COMMD1: variants seen among roughly 807,000 people sequenced by gnomAD.
COMMD1 encodes COMM domain-containing protein 1.
Under a neutral mutation model 17.2 loss-of-function variants are expected in COMMD1, and 10 were observed. The observed-to-expected ratio is 0.58, with a 90% confidence interval of 0.36 to 0.99. COMMD1 has a LOEUF of 0.99. Among genes scored for constraint, COMMD1 ranks in the 50% least tolerant of loss-of-function variants. COMMD1 has a pLI of 0.01. For missense variants in COMMD1, 270 were observed against 231.8 expected, an observed-to-expected ratio of 1.17 and a Z score of -1.07; for synonymous variants, 97 against 91.6, an observed-to-expected ratio of 1.06 and a Z score of -0.34.
At chr2:61,979,106 C>T (rs1301406175) in intron 1 of COMMD1, among the ~76,000 whole-genome samples, 3 of 152,078 alleles carry the variant, frequency 2.0e-5, no homozygotes, top group Non-Finnish European at 4.4e-5. Flanking sequence ...CTTCCACTGC[C>T]CCCACCTCCC....
At chr2:61,952,010 A>G (rs1671067809) in intron 1 of COMMD1, among the ~76,000 whole-genome samples, 1 of 152,222 alleles carries the variant, frequency 6.6e-6, no homozygotes. Context: ...GTATGATATA[A>G]TAAGGCTGGT....
chr2:61,942,386 G>A (rs1191975791), intron 1 of COMMD1, among the ~76,000 whole-genome samples: 1 of 151,360 alleles, frequency 6.6e-6, no homozygotes, highest in Non-Finnish European at 1.5e-5. Flanking sequence ...TTATAGGCAT[G>A]AGCCACCACG....
At chr2:62,017,521 T>A (rs1669485523) in intron 2 of COMMD1, among the ~76,000 whole-genome samples, 1 of 150,234 alleles carries the variant, frequency 6.7e-6, no homozygotes, top group African/African-American at 2.5e-5. Flanking sequence ...TTAAAAAAAA[T>A]TAGCAGGGCA....
intron 2 of COMMD1, among the ~76,000 whole-genome samples, chr2:62,045,336 T>C (rs1670348218): frequency 1.3e-5 from 2 of 152,140 alleles, no homozygotes; most frequent in Non-Finnish European, 2.9e-5. Context: ...ATGTTATCTG[T>C]AGGAGCACTT....
At chr2:61,913,259 C>A (rs536906928) in intron 1 of COMMD1, among the ~76,000 whole-genome samples, 1 of 149,174 alleles carries the variant, frequency 6.7e-6, no homozygotes, top group African/African-American at 2.5e-5. Context: ...CCCAGCTACT[C>A]GGGAAGCTGA....
chr2:62,119,653 G>A (rs1558607372), intron 2 of COMMD1, among the ~76,000 whole-genome samples: 1 of 152,200 alleles, frequency 6.6e-6, no homozygotes, highest in Non-Finnish European at 1.5e-5. Context: ...TAATGGTGCT[G>A]TCATGAGTTA....
At chr2:61,939,908 A>T (rs1403716035) in intron 1 of COMMD1, among the ~76,000 whole-genome samples, 1 of 152,214 alleles carries the variant, frequency 6.6e-6, no homozygotes, top group East Asian at 1.9e-4. Context: ...GGACAAAAAG[A>T]GGGTCCTTGC....
At chr2:61,962,544 G>T (rs1671378396) in intron 1 of COMMD1, among the ~76,000 whole-genome samples, 1 of 152,144 alleles carries the variant, frequency 6.6e-6, no homozygotes, top group Non-Finnish European at 1.5e-5. Context: ...CCTCCGGGGA[G>T]GATAAGGTGG....
At chr2:62,033,013 G>A (rs1256079869) in intron 2 of COMMD1, among the ~76,000 whole-genome samples, 1 of 152,138 alleles carries the variant, frequency 6.6e-6, no homozygotes, top group Non-Finnish European at 1.5e-5. Context: ...CAGGTGATCT[G>A]CCCACCTTGG....
intron 2 of COMMD1, among the ~76,000 whole-genome samples, chr2:62,059,371 GT>G (rs1670793750): frequency 1.3e-5 from 2 of 151,826 alleles, no homozygotes; most frequent in African/African-American, 4.8e-5. Context: ...GCCCAGGCTG[GT>G]CTCCAACTTC....
At chr2:61,921,363 A>G (rs1264986574) in intron 1 of COMMD1, among the ~76,000 whole-genome samples, 1 of 152,224 alleles carries the variant, frequency 6.6e-6, no homozygotes, top group African/African-American at 2.4e-5. Context: ...TTAGTCATTT[A>G]CAGAAATATT....
intron 1 of COMMD1, among the ~76,000 whole-genome samples, chr2:61,908,912 T>A (rs1669838025): frequency 6.6e-6 from 1 of 152,060 alleles, no homozygotes; most frequent in Non-Finnish European, 1.5e-5. Context: ...AACATGATTT[T>A]AATTTATTTT....
At chr2:61,931,783 G>A (rs1189950418) in intron 1 of COMMD1, among the ~76,000 whole-genome samples, 1 of 152,168 alleles carries the variant, frequency 6.6e-6, no homozygotes, top group Admixed American at 6.6e-5. Context: ...ACAAATTATG[G>A]TATATCAGTA....
intron 1 of COMMD1, among the ~76,000 whole-genome samples, chr2:61,958,697 G>T (rs906984241): frequency 2.0e-5 from 3 of 152,144 alleles, no homozygotes; most frequent in Admixed American, 6.5e-5. Context: ...CTGTCAGAAT[G>T]TGTTAGATCA....
At chr2:61,892,016 A>G (rs1470791644) in intron 1 of COMMD1, among the ~76,000 whole-genome samples, 6 of 151,278 alleles carry the variant, frequency 4.0e-5, no homozygotes, top group Admixed American at 6.6e-5. Flanking sequence ...TATTTTTAGT[A>G]GAGAGGGGGT....
At chr2:62,088,399 C>T (rs1671729609) in intron 2 of COMMD1, among the ~76,000 whole-genome samples, 1 of 152,200 alleles carries the variant, frequency 6.6e-6, no homozygotes, top group Admixed American at 6.5e-5. Flanking sequence ...GTACTGTGGG[C>T]ACTTTCAGCT....
intron 2 of COMMD1, among the ~76,000 whole-genome samples, chr2:62,080,307 A>C (rs1280867088): frequency 1.3e-5 from 2 of 152,318 alleles, no homozygotes; most frequent in South Asian, 2.1e-4. Context: ...AAAAATAAAA[A>C]AAGAGATGAA....
chr2:61,964,637 A>G lies in COMMD1; in HGVS notation c.181-36064A>G, dbSNP rs143765411. On this transcript the variant is annotated intron_variant, in intron 1 of 2. Coordinates refer to ENST00000311832, the MANE Select transcript of COMMD1 (RefSeq NM_152516.4). ...ATCACGAGGTTAGGAGTTCAAGACC[A>G]GCCTGACCAACATGGTGAAACCCCG... Among the ~76,000 whole-genome samples, 267 of 151,916 alleles carry G rather than the reference A, an allele frequency of 1.8e-3. 1 individual carries two copies. In the East Asian group the frequency reaches 0.029, roughly 16 times the overall value.
intron 2 of COMMD1, chr2:62,084,982 G>A (rs1671619728): frequency 6.6e-6 from 1 of 152,206 alleles, no homozygotes; most frequent in Admixed American, 6.5e-5. Flanking sequence ...CATCTGTGCA[G>A]TTAAAAGAGC....
Sources: gnomAD v4.1 joint callset for allele counts (sites outside exome capture counted in the v4.1 genomes callset) on GRCh38, gnomAD v4.1.1 for gene constraint, MANE v1.5 for transcripts, NCBI Gene and HGNC (gene_info 2026-07-23, HGNC 2026-07-21) for gene names.